Variants in CNTN4 observed in about 807,000 individuals in gnomAD.
CNTN4 encodes contactin 4.
Under a neutral mutation model 122.5 loss-of-function variants are expected in CNTN4, and 77 were observed. The observed-to-expected ratio is 0.63, with a 90% CI of 0.52 to 0.76. The LOEUF (loss-of-function observed/expected upper bound fraction) is 0.76, where lower values mean the gene tolerates loss of function less well. CNTN4 is among the 30% of genes least tolerant of loss of function. The probability of loss-of-function intolerance (pLI) is 0.00; values close to 1 mark genes in which losing one functional copy is unlikely to be tolerated. For synonymous variants in CNTN4, 512 were observed against 447.0 expected, an observed-to-expected ratio of 1.15 and a Z score of -1.83; for missense variants, 1,256 against 1,259.1, an observed-to-expected ratio of 1.00 and a Z score of 0.04.
At chr3:2,602,560 C>T (rs1243941297) in intron 4 of CNTN4, among the ~76,000 whole-genome samples, 1 of 152,134 alleles carries the variant, frequency 6.6e-6, no homozygotes, top group Non-Finnish European at 1.5e-5. Flanking sequence ...TCAAGGAGAA[C>T]TACAAAACAC....
chr3:2,714,294 A>G (rs2087343810), intron 4 of CNTN4, among the ~76,000 whole-genome samples: 1 of 152,212 alleles, frequency 6.6e-6, no homozygotes, highest in Non-Finnish European at 1.5e-5. Context: ...TCTCATAGCT[A>G]GACATAGAGG....
intron 2 of CNTN4, among the ~76,000 whole-genome samples, chr3:2,311,383 A>G (rs1001504608): frequency 2.0e-5 from 3 of 152,104 alleles, no homozygotes; most frequent in Non-Finnish European, 4.4e-5. Context: ...TTTTTCTTGT[A>G]GCCATTAAAA....
chr3:2,606,142 A>G (rs1235113680), intron 4 of CNTN4, among the ~76,000 whole-genome samples: 1 of 152,136 alleles, frequency 6.6e-6, no homozygotes, highest in Admixed American at 6.6e-5. Flanking sequence ...GAATGGGGGG[A>G]CAAAGTGGTT....
At chr3:2,356,686 A>G (rs11717288) in intron 3 of CNTN4, among the ~76,000 whole-genome samples, 19,187 of 152,212 alleles carry the variant, frequency 0.13, 1,505 homozygotes, top group Non-Finnish European at 0.18. Flanking sequence ...AATGCAGCCC[A>G]GTAGATCTTA....
chr3:2,108,301 C>T (rs2125118209), intron 2 of CNTN4, among the ~76,000 whole-genome samples: 1 of 151,658 alleles, frequency 6.6e-6, no homozygotes, highest in South Asian at 2.1e-4. Context: ...TCTTTCAATA[C>T]TATTGAGGCA....
intron 3 of CNTN4, among the ~76,000 whole-genome samples, chr3:2,568,100 A>G (rs1209420993): frequency 6.6e-6 from 1 of 152,060 alleles, no homozygotes; most frequent in African/African-American, 2.4e-5. Context: ...CTGAATTAGT[A>G]CTGTTTGGAT....
chr3:2,549,028 A>G (rs905438593), intron 3 of CNTN4, among the ~76,000 whole-genome samples: 10 of 152,102 alleles, frequency 6.6e-5, no homozygotes, highest in African/African-American at 1.9e-4. Flanking sequence ...TCGATTTTGT[A>G]TCCTGTGACT....
At chr3:2,474,014 C>CA (rs34237926) in intron 3 of CNTN4, among the ~76,000 whole-genome samples, 27,938 of 142,238 alleles carry the variant, frequency 0.2, 3,241 homozygotes, top group Non-Finnish European at 0.28. Context: ...AACTCGGTCT[C>CA]AAAAAAAAAA....
intron 3 of CNTN4, among the ~76,000 whole-genome samples, chr3:2,425,784 A>G (rs758259721): frequency 6.6e-6 from 1 of 152,006 alleles, no homozygotes; most frequent in Non-Finnish European, 1.5e-5. Flanking sequence ...CTCCTTCACA[A>G]CCCTTGTGAG....
intron 2 of CNTN4, among the ~76,000 whole-genome samples, chr3:2,281,217 A>T (rs1483185385): frequency 2.0e-5 from 3 of 152,090 alleles, no homozygotes; most frequent in Admixed American, 6.6e-5. Flanking sequence ...CATGGACAGC[A>T]TTGTTGAACT....
At chr3:2,721,759 T>C (rs890077259) in intron 4 of CNTN4, among the ~76,000 whole-genome samples, 8 of 152,220 alleles carry the variant, frequency 5.3e-5, no homozygotes, top group Admixed American at 5.2e-4. Flanking sequence ...GATATCCTTT[T>C]CTCAGAAAGG....
intron 14 of CNTN4, among the ~76,000 whole-genome samples, chr3:3,001,711 A>G (rs17024534): frequency 0.019 from 2,884 of 152,342 alleles, 86 homozygotes; most frequent in Admixed American, 0.055. Flanking sequence ...GCTCTATGAA[A>G]AAAAGCCAGC....
chr3:2,322,191 G>A (rs2043297842), intron 2 of CNTN4, among the ~76,000 whole-genome samples: 1 of 152,082 alleles, frequency 6.6e-6, no homozygotes, highest in Non-Finnish European at 1.5e-5. Context: ...GAGCAAAAAT[G>A]AATCAAAATT....
intron 3 of CNTN4, among the ~76,000 whole-genome samples, chr3:2,364,933 C>T (rs570379601): frequency 1.3e-5 from 2 of 151,980 alleles, no homozygotes; most frequent in Non-Finnish European, 2.9e-5. Context: ...AATAATAGTG[C>T]GATTTGGCTT....
At chr3:2,297,058 G>A (rs2042340650) in intron 2 of CNTN4, among the ~76,000 whole-genome samples, 1 of 152,078 alleles carries the variant, frequency 6.6e-6, no homozygotes, top group African/African-American at 2.4e-5. Context: ...ATGAACTGGG[G>A]TATTCTGACT....
chr3:2,651,755 G>C (rs2083370685), intron 4 of CNTN4, among the ~76,000 whole-genome samples: 1 of 150,906 alleles, frequency 6.6e-6, no homozygotes, highest in Non-Finnish European at 1.5e-5. Flanking sequence ...CAGGCTAGAG[G>C]GCAGTGGTGC....
chr3:2,319,311 G>T (rs2043206485), intron 2 of CNTN4, among the ~76,000 whole-genome samples: 1 of 152,002 alleles, frequency 6.6e-6, no homozygotes, highest in South Asian at 2.1e-4. Context: ...TAGCCAGTAA[G>T]TTGGATGAAC....
chr3:2,473,366 C>G (rs537717113), intron 3 of CNTN4, among the ~76,000 whole-genome samples: 1 of 152,124 alleles, frequency 6.6e-6, no homozygotes, highest in Non-Finnish European at 1.5e-5. Context: ...TGCCACTTTC[C>G]TTCTTCTCTA....
chr3:2,179,468 C>T (rs73806382), intron 2 of CNTN4, among the ~76,000 whole-genome samples: 59 of 152,020 alleles, frequency 3.9e-4, no homozygotes, highest in African/African-American at 1.4e-3. Flanking sequence ...CAACTTCCAG[C>T]ATGGATGAAC....
Sources: gnomAD v4.1 joint callset for allele counts (sites outside exome capture counted in the v4.1 genomes callset) on GRCh38, gnomAD v4.1.1 for gene constraint, MANE v1.5 for transcripts, NCBI Gene and HGNC (gene_info 2026-07-23, HGNC 2026-07-21) for gene names.